The following KCNIP1 variants were observed in gnomAD, a reference collection of about 807,000 sequenced individuals.
KCNIP1 encodes potassium voltage-gated channel interacting protein 1.
KCNIP1 carries 18 observed loss-of-function variants against 33.0 expected under a neutral mutation model. The ratio of observed to expected loss-of-function variants is 0.55; its 90% CI spans 0.38 to 0.81. The LOEUF is 0.81. Among genes scored for constraint, KCNIP1 ranks in the 30% least tolerant of loss-of-function variants. The pLI is 0.00. For synonymous variants in KCNIP1, 93 were observed against 98.3 expected, an observed-to-expected ratio of 0.95 and a Z score of 0.32; for missense variants, 238 against 271.6, an observed-to-expected ratio of 0.88 and a Z score of 0.87.
At chr5:170,666,817 A>G (rs1561752002) in intron 1 of KCNIP1, among the ~76,000 whole-genome samples, 1 of 152,130 alleles carries the variant, frequency 6.6e-6, no homozygotes, top group Non-Finnish European at 1.5e-5. Flanking sequence ...GCCCCTGCCC[A>G]CTTCTCCCTC....
chr5:170,700,339 G>C (rs1436461786), intron 1 of KCNIP1, among the ~76,000 whole-genome samples: 1 of 152,092 alleles, frequency 6.6e-6, no homozygotes, highest in African/African-American at 2.4e-5. Flanking sequence ...TTGCTCAACT[G>C]TAATCAAACA....
chr5:170,370,257 A>G (rs1561588216), intron 1 of KCNIP1, among the ~76,000 whole-genome samples: 2 of 152,326 alleles, frequency 1.3e-5, no homozygotes, highest in East Asian at 3.9e-4. Flanking sequence ...TTGAAGAGAG[A>G]ACAGACATTT....
intron 1 of KCNIP1, among the ~76,000 whole-genome samples, chr5:170,390,464 C>G (rs1764672711): frequency 7.0e-6 from 1 of 142,904 alleles, no homozygotes; most frequent in Admixed American, 7.2e-5. Context: ...CAAGATTGTG[C>G]CACTGCACTC....
At chr5:170,615,786 A>G (rs1475773732) in intron 1 of KCNIP1, among the ~76,000 whole-genome samples, 1 of 152,224 alleles carries the variant, frequency 6.6e-6, no homozygotes, top group Non-Finnish European at 1.5e-5. Flanking sequence ...CGTTTGACAC[A>G]TAAAGCACTA....
At chr5:170,469,087 T>G (rs1322818977) in intron 1 of KCNIP1, among the ~76,000 whole-genome samples, 2 of 152,218 alleles carry the variant, frequency 1.3e-5, no homozygotes, top group East Asian at 3.8e-4. Flanking sequence ...CATTCTGTAC[T>G]GCTTTTGTGC....
At chr5:170,529,021 T>A (rs560349299) in intron 1 of KCNIP1, among the ~76,000 whole-genome samples, 1 of 152,296 alleles carries the variant, frequency 6.6e-6, no homozygotes, top group South Asian at 2.1e-4. Flanking sequence ...TCTTTGTTAG[T>A]CAGAACCTTT....
chr5:170,401,420 CT>C (rs1362265156), intron 1 of KCNIP1, among the ~76,000 whole-genome samples: 1 of 152,172 alleles, frequency 6.6e-6, no homozygotes, highest in East Asian at 1.9e-4. Context: ...CCAGAAGACT[CT>C]GTCTCTAAGG....
At position 170,504,811 on chromosome 5, in the gene KCNIP1, A is replaced by G. The variant is rs890387043; in HGVS notation, c.61+178A>G. Among the ~76,000 whole-genome samples, 4 of 152,092 alleles carry G rather than the reference A, an allele frequency of 2.6e-5. No individual in the cohort carries two copies. The highest frequency in any genetic ancestry group is 1.3e-4 in the Admixed American group (2 of 15,282). Reference sequence around the variant, plus strand: ...GAGGGCTGGTGTGAACACCCAGAGGAGGGAGCCGGAGTGGACGTCTGCCCC... The same window carrying G: ...GAGGGCTGGTGTGAACACCCAGAGGGGGGAGCCGGAGTGGACGTCTGCCCC... On this transcript the variant is annotated intron_variant, in intron 1 of 7. Coordinates refer to ENST00000328939, the MANE Select transcript of KCNIP1 (RefSeq NM_014592.4). The surrounding 1 kb of genome is among the most constrained non-coding windows in gnomAD (Gnocchi z 6.0).
At chr5:170,510,494 C>T (rs1016124075) in intron 1 of KCNIP1, among the ~76,000 whole-genome samples, 1 of 152,062 alleles carries the variant, frequency 6.6e-6, no homozygotes, top group South Asian at 2.1e-4. Context: ...GCATAATGGC[C>T]GTGGAGCTGA....
chr5:170,398,510 G>A (rs539313871), intron 1 of KCNIP1, among the ~76,000 whole-genome samples: 1 of 152,280 alleles, frequency 6.6e-6, no homozygotes, highest in South Asian at 2.1e-4. Flanking sequence ...TTGGCTAGGT[G>A]AAAACTCTTT....
At chr5:170,680,908 G>A (rs534626757) in intron 1 of KCNIP1, 7 of 396,346 alleles carry the variant, frequency 1.8e-5, no homozygotes, top group Non-Finnish European at 3.1e-5. Flanking sequence ...GGTGGAGGGA[G>A]GGGTAGGAGT....
At chr5:170,544,325 T>A (rs1278845007) in intron 1 of KCNIP1, among the ~76,000 whole-genome samples, 1 of 152,144 alleles carries the variant, frequency 6.6e-6, no homozygotes, top group African/African-American at 2.4e-5. Context: ...GCTTACTAAG[T>A]TGATTCATTT....
chr5:170,383,931 C>T (rs1048725662), intron 1 of KCNIP1: 31 of 1,458,694 alleles, frequency 2.1e-5, no homozygotes, highest in Non-Finnish European at 2.8e-5. Flanking sequence ...CCATTATCCC[C>T]TGGGAGCCTC....
intron 1 of KCNIP1, among the ~76,000 whole-genome samples, chr5:170,595,688 A>G (rs1414865202): frequency 6.6e-6 from 1 of 152,238 alleles, no homozygotes; most frequent in Admixed American, 6.5e-5. Flanking sequence ...TCTGCAGGTT[A>G]AATATTCTAT....
intron 1 of KCNIP1, among the ~76,000 whole-genome samples, chr5:170,415,693 G>A (rs1345836354): frequency 3.9e-5 from 6 of 152,158 alleles, no homozygotes; most frequent in South Asian, 4.1e-4. Flanking sequence ...TGTCTCTCTC[G>A]TTTGCTGTCT....
At chr5:170,445,359 G>A (rs542552934) in intron 1 of KCNIP1, among the ~76,000 whole-genome samples, 2 of 152,320 alleles carry the variant, frequency 1.3e-5, no homozygotes, top group Admixed American at 6.5e-5. Context: ...GACTGTATCA[G>A]GCCAACTGGA....
chr5:170,664,530 C>T (rs1275009152), intron 1 of KCNIP1, among the ~76,000 whole-genome samples: 3 of 152,084 alleles, frequency 2.0e-5, no homozygotes, highest in African/African-American at 2.4e-5. Context: ...AGGCTGGTCT[C>T]GAACTCCAGA....
chr5:170,629,982 A>G (rs552398964), intron 1 of KCNIP1, among the ~76,000 whole-genome samples: 26 of 152,286 alleles, frequency 1.7e-4, no homozygotes, highest in African/African-American at 6.3e-4. Flanking sequence ...CAAGTGCTGA[A>G]CAGTTGGCAA....
At chr5:170,492,557 G>A (rs1408487643) in intron 1 of KCNIP1, among the ~76,000 whole-genome samples, 1 of 152,168 alleles carries the variant, frequency 6.6e-6, no homozygotes, top group African/African-American at 2.4e-5. Flanking sequence ...TCCAGAAGTT[G>A]GGGATGGGGC....
Sources: allele counts gnomAD v4.1 joint callset (sites outside exome capture counted in the v4.1 genomes callset), GRCh38; gene constraint gnomAD v4.1.1; non-coding constraint Gnocchi (gnomAD v3.1); transcripts MANE v1.5; gene names NCBI Gene and HGNC (gene_info 2026-07-23, HGNC 2026-07-21).